STX7: variants seen among roughly 807,000 people sequenced by gnomAD.
The protein encoded by STX7 is syntaxin-7.
A neutral mutation model predicts 39.6 loss-of-function variants in STX7; 34 were observed. That is an observed-to-expected ratio of 0.86 (90% CI 0.65 to 1.14). The LOEUF is 1.14. Ranked by LOEUF, STX7 falls within the 50% of genes most tolerant of loss-of-function variation. The probability of loss-of-function intolerance (pLI) is 0.00; values close to 1 mark genes in which losing one functional copy is unlikely to be tolerated. For missense variants in STX7, 284 were observed against 310.4 expected (o/e 0.92, Z 0.64); for synonymous variants, 119 against 99.1 (o/e 1.20, Z -1.19).
chr6:132,506,545 T>C (rs1484769125), intron 1 of STX7, among the ~76,000 whole-genome samples: 1 of 151,994 alleles, frequency 6.6e-6, no homozygotes, highest in African/African-American at 2.4e-5. Context: ...AATACCACAA[T>C]GAGACATCAT....
intron 1 of STX7, among the ~76,000 whole-genome samples, chr6:132,508,854 G>C (rs1436262330): frequency 1.3e-5 from 2 of 152,238 alleles, no homozygotes; most frequent in East Asian, 3.9e-4. Context: ...GCAAAAGATA[G>C]AGAAGAAAGA....
At position 132,452,167 on chromosome 6, in the gene STX7, T is replaced by C. The variant is rs1296964991; in HGVS notation, c.*8591A>G. The C allele has an allele frequency of 6.6e-6, 1 of 151,996 alleles. No individual in the cohort carries two copies. Among genetic ancestry groups the C allele is most frequent in the Non-Finnish European group, 1.5e-5 (1 of 67,982 alleles). The allele number at this position is 151,996 out of a possible 1,614,324, so 9.4% of individuals were successfully genotyped here. On this transcript the variant is annotated 3_prime_UTR_variant, in exon 10 of 10. Transcript: ENST00000367941. ...ATGTAAATTAAGGCAGAAAAAGCAT[T>C]TGACAAAATTCAACATAAAATTCAT...
chr6:132,503,367 A>T, intron 2 of STX7, 79 bp downstream of exon 2: 1 of 1,207,592 alleles, frequency 8.3e-7, no homozygotes, highest in Non-Finnish European at 1.2e-6. Context: ...CAATCAGCAG[A>T]GTTGTCCTTT....
intron 2 of STX7, among the ~76,000 whole-genome samples, chr6:132,488,568 A>G (rs749676370): frequency 6.6e-6 from 1 of 151,614 alleles, no homozygotes; most frequent in Non-Finnish European, 1.5e-5. Flanking sequence ...GGGAGTTCTC[A>G]GTTTTTTTTA....
chr6:132,468,099 G>A (rs2114367558), intron 8 of STX7, among the ~76,000 whole-genome samples: 1 of 152,272 alleles, frequency 6.6e-6, no homozygotes, highest in East Asian at 1.9e-4. Context: ...AAAACCAGAG[G>A]CCCTGGAAAT....
intron 9 of STX7, among the ~76,000 whole-genome samples, chr6:132,461,163 C>T (rs947548532): frequency 2.0e-5 from 3 of 152,152 alleles, no homozygotes; most frequent in Non-Finnish European, 4.4e-5. Context: ...CTGACTTAAA[C>T]AAGAGACTGA....
chr6:132,453,060 C>T lies in STX7; in HGVS notation c.*7698G>A, dbSNP rs768120384. On this transcript the variant is annotated 3_prime_UTR_variant, in exon 10 of 10. Coordinates refer to ENST00000367941, the MANE Select transcript of STX7 (RefSeq NM_003569.3). ...AATAGAAAACCCAGATATAGACCCA[C>T]ACGAATGTGCCCAACTGATTTCTCA... 2 of 152,090 alleles carry T rather than the reference C, an allele frequency of 1.3e-5. No individual in the cohort carries two copies. The highest frequency in any genetic ancestry group is 6.6e-5 in the Admixed American group (1 of 15,258). 9.4% of individuals were successfully genotyped at this position (152,090 alleles called of 1,614,324 possible). A position where few individuals can be genotyped will look rare whatever the true frequency, so the allele number is the denominator to read the frequency against.
In STX7 at chr6:132,447,482, G is replaced by T. The variant is rs1774038096; in HGVS notation, c.*13276C>A. The T allele has an allele frequency of 6.6e-6, 1 of 152,014 alleles. No homozygotes were observed. The highest frequency in any genetic ancestry group is 1.5e-5 in the Non-Finnish European group (1 of 68,004). The allele number at this position is 152,014 out of a possible 1,614,324, so 9.4% of individuals were successfully genotyped here. On this transcript the variant is annotated 3_prime_UTR_variant, in exon 10 of 10. Transcript: ENST00000367941. ...TTTATGTATTAATTGAATCAACTTT[G>T]GTTACCATGTTGTTCTATTTACTTT...
At chr6:132,470,435 T>G in intron 6 of STX7, 139 bp downstream of exon 6, 2 of 509,606 alleles carry the variant, frequency 3.9e-6, no homozygotes, top group South Asian at 5.9e-5. Flanking sequence ...TTTTTCAAAT[T>G]TACTCTGTTT....
chr6:132,467,061 C>T (rs1480409166), intron 8 of STX7, among the ~76,000 whole-genome samples: 2 of 152,096 alleles, frequency 1.3e-5, no homozygotes, highest in African/African-American at 4.8e-5. Context: ...AGGTGACCTC[C>T]TTGCTTTTGG....
In STX7 at chr6:132,472,282, C is replaced by T. The variant is rs1774741318; in HGVS notation, c.249G>A (p.Gln83=). ...FGSLPTTPSE[Q]RQRKIQKDRL... ...AACAATGTGTCTTAAAGCTTGATACCTGTTCACTGGGGGTGGTGGGCAGAG... is the reference window on the plus strand; with the variant it reads ...AACAATGTGTCTTAAAGCTTGATACTTGTTCACTGGGGGTGGTGGGCAGAG... Residue 83 remains glutamine, a splice_region_variant and synonymous_variant, in exon 4 of 10, where the codon CAG becomes CAA. Transcript: ENST00000367941. 6.2e-7 allele frequency: 1 copy of T among 1,609,770 alleles called. No homozygotes were observed. The highest frequency in any genetic ancestry group is 1.3e-5 in the African/African-American group (1 of 74,614).
chr6:132,495,883 G>C (rs1775410345), intron 2 of STX7, among the ~76,000 whole-genome samples: 1 of 152,142 alleles, frequency 6.6e-6, no homozygotes, highest in South Asian at 2.1e-4. Flanking sequence ...TTGCAGCATA[G>C]GAAGCTAATT....
rs2114324226 is a variant in STX7, at chr6:132,453,424, G to T, written c.*7334C>A. On this transcript the variant is annotated 3_prime_UTR_variant, in exon 10 of 10. Coordinates refer to ENST00000367941, the MANE Select transcript of STX7 (RefSeq NM_003569.3). ...GACTTCATCAAAATTAAACACTTCT[G>T]CTCTGTGAAAGGCCCAGAAAAGAGA... is the stretch of plus-strand genomic sequence containing the variant. The T allele has an allele frequency of 6.6e-6, 1 of 152,040 alleles. No homozygotes were observed. The highest frequency in any genetic ancestry group is 2.1e-4 in the South Asian group (1 of 4,814). 9.4% of individuals were successfully genotyped at this position (152,040 alleles called of 1,614,324 possible).
chr6:132,500,562 C>T (rs888606663), intron 2 of STX7, among the ~76,000 whole-genome samples: 42 of 152,300 alleles, frequency 2.8e-4, no homozygotes, highest in African/African-American at 1.0e-3. Context: ...CTCACTTTCA[C>T]TATATTTTCT....
At chr6:132,469,597 G>T (rs956148712) in intron 7 of STX7, among the ~76,000 whole-genome samples, 2 of 152,094 alleles carry the variant, frequency 1.3e-5, no homozygotes, top group East Asian at 3.8e-4. Context: ...TAGTACTTTA[G>T]GAGGCCAAGG....
chr6:132,487,054 G>T (rs1745384998), intron 2 of STX7, among the ~76,000 whole-genome samples: 1 of 152,116 alleles, frequency 6.6e-6, no homozygotes, highest in Non-Finnish European at 1.5e-5. Context: ...CAATTTTTTG[G>T]AACAGTTTGT....
chr6:132,457,983 A>G lies in STX7; in HGVS notation c.*2775T>C, dbSNP rs757176069. Reference sequence around the variant, plus strand: ...TTTTTTCTACATGAAGACACAAATAAAAATTATACCAACTACATAAACTAT... The same window carrying G: ...TTTTTTCTACATGAAGACACAAATAGAAATTATACCAACTACATAAACTAT... On this transcript the variant is annotated 3_prime_UTR_variant, in exon 10 of 10. Transcript: ENST00000367941. 7 of 152,244 alleles carry G rather than the reference A, an allele frequency of 4.6e-5. No homozygotes were observed. The highest frequency in any genetic ancestry group is 8.8e-5 in the Non-Finnish European group (6 of 68,042). The allele number at this position is 152,244 out of a possible 1,614,324, so 9.4% of individuals were successfully genotyped here. A position where few individuals can be genotyped will look rare whatever the true frequency, so the allele number is the denominator to read the frequency against.
At chr6:132,466,389 C>T (rs1454823192) in intron 8 of STX7, among the ~76,000 whole-genome samples, 1 of 152,112 alleles carries the variant, frequency 6.6e-6, no homozygotes, top group Non-Finnish European at 1.5e-5. Context: ...GGCTCTAAAT[C>T]AGAGGTTAAG....
intron 2 of STX7, among the ~76,000 whole-genome samples, chr6:132,488,787 T>C (rs907381467): frequency 6.6e-6 from 1 of 152,172 alleles, no homozygotes; most frequent in Non-Finnish European, 1.5e-5. Flanking sequence ...AAGTGACATA[T>C]TTAAAACAGG....
Sources: allele counts gnomAD v4.1 joint callset (sites outside exome capture counted in the v4.1 genomes callset), GRCh38; gene constraint gnomAD v4.1.1; transcripts MANE v1.5; gene names NCBI Gene and HGNC (gene_info 2026-07-23, HGNC 2026-07-21).